RANBP2: variants seen among roughly 807,000 people sequenced by gnomAD.
RANBP2 encodes the protein E3 SUMO-protein ligase RanBP2.
A neutral mutation model predicts 303.6 loss-of-function variants in RANBP2; 57 were observed. That is an observed-to-expected ratio of 0.19 (90% CI 0.15 to 0.23). The LOEUF (loss-of-function observed/expected upper bound fraction) is 0.23, where lower values mean the gene tolerates loss of function less well. Ranked by LOEUF, RANBP2 falls within the 10% of genes least tolerant of loss-of-function variation. The probability of loss-of-function intolerance (pLI) is 1.00; values close to 1 mark genes in which losing one functional copy is unlikely to be tolerated. For missense variants in RANBP2, 3,138 were observed against 3,780.8 expected (o/e 0.83, Z 4.46); for synonymous variants, 1,167 against 1,301.5 (o/e 0.90, Z 2.23).
the RANBP2 span, among the ~76,000 whole-genome samples, chr2:109,313,181 G>A: frequency 6.6e-6 from 1 of 152,208 alleles, no homozygotes; most frequent in South Asian, 2.1e-4. Flanking sequence ...AGAACCAGGG[G>A]ACCTGGAAAG....
the RANBP2 span, among the ~76,000 whole-genome samples, chr2:109,429,761 CAT>C: frequency 8.1e-4 from 123 of 152,344 alleles, 3 homozygotes; most frequent in Admixed American, 4.4e-3. Context: ...AGCTGTGAAA[CAT>C]GTGCAAGAAG....
chr2:109,192,621 G>A, the RANBP2 span, among the ~76,000 whole-genome samples: 2 of 152,202 alleles, frequency 1.3e-5, no homozygotes, highest in Non-Finnish European at 1.5e-5. Flanking sequence ...AGAGAAGCTG[G>A]AAGTAAATAT....
the RANBP2 span, among the ~76,000 whole-genome samples, chr2:109,514,581 A>G: frequency 6.6e-6 from 1 of 152,172 alleles, no homozygotes; most frequent in Non-Finnish European, 1.5e-5. Flanking sequence ...GGCCGTCCCT[A>G]GAGTTGGGCT....
the RANBP2 span, among the ~76,000 whole-genome samples, chr2:109,362,013 G>T: frequency 6.6e-6 from 1 of 151,858 alleles, no homozygotes; most frequent in Non-Finnish European, 1.5e-5. Context: ...TCTTTTTAAA[G>T]ATTAATTTAT....
the RANBP2 span, among the ~76,000 whole-genome samples, chr2:109,213,768 C>G: frequency 6.6e-6 from 1 of 152,134 alleles, no homozygotes. Flanking sequence ...AGGAACGTGA[C>G]GTGGTCTCAC....
chr2:109,295,457 G>T, the RANBP2 span, among the ~76,000 whole-genome samples: 1 of 152,250 alleles, frequency 6.6e-6, no homozygotes, highest in South Asian at 2.1e-4. Flanking sequence ...GCAGGGCAGG[G>T]AGAGGACCCT....
chr2:109,653,146 G>A, the RANBP2 span, among the ~76,000 whole-genome samples: 1 of 151,940 alleles, frequency 6.6e-6, no homozygotes, highest in Non-Finnish European at 1.5e-5. Flanking sequence ...CTTGTAATCC[G>A]AGGACTTCGG....
intron 20 of RANBP2, among the ~76,000 whole-genome samples, chr2:108,771,310 A>AT (rs1420335213): frequency 6.6e-6 from 1 of 151,824 alleles, no homozygotes; most frequent in African/African-American, 2.4e-5. Flanking sequence ...ATGTTTTAAG[A>AT]TTTTTTTCAA....
the RANBP2 span, among the ~76,000 whole-genome samples, chr2:109,159,136 G>A: frequency 3.6e-5 from 4 of 112,616 alleles, no homozygotes; most frequent in Non-Finnish European, 6.7e-5. Flanking sequence ...AAACAAAAAG[G>A]TGCCCTTACA....
At chr2:108,897,130 C>G in the RANBP2 span, 1 of 1,613,980 alleles carries the variant, frequency 6.2e-7, no homozygotes, top group Non-Finnish European at 8.5e-7. Context: ...GGCGAGGTGG[C>G]GCCACGTTTT....
chr2:109,589,959 C>T, the RANBP2 span, among the ~76,000 whole-genome samples: 1 of 151,766 alleles, frequency 6.6e-6, no homozygotes, highest in African/African-American at 2.4e-5. Context: ...GATTTATTTA[C>T]TGAGGTCAGA....
the RANBP2 span, among the ~76,000 whole-genome samples, chr2:109,670,420 C>G: frequency 0.11 from 16,914 of 150,536 alleles, 1,219 homozygotes; most frequent in Admixed American, 0.2. Flanking sequence ...CACAGCAGCT[C>G]ATCGGGGAGT....
the RANBP2 span, among the ~76,000 whole-genome samples, chr2:109,518,658 AT>A: frequency 3.3e-5 from 5 of 151,968 alleles, no homozygotes; most frequent in Non-Finnish European, 4.4e-5. Context: ...CTTTGTTGTA[AT>A]TTTTTTTAAT....
chr2:108,947,623 C>T, the RANBP2 span, among the ~76,000 whole-genome samples: 3 of 152,230 alleles, frequency 2.0e-5, no homozygotes, highest in East Asian at 5.8e-4. Flanking sequence ...GTTGCCAAGG[C>T]TTGGGACTTG....
At chr2:109,047,956 C>T in the RANBP2 span, among the ~76,000 whole-genome samples, 7 of 152,332 alleles carry the variant, frequency 4.6e-5, no homozygotes, top group East Asian at 1.2e-3. Flanking sequence ...TGGCCTGTGG[C>T]CCCTCTGCCC....
chr2:109,140,852 A>G, the RANBP2 span, among the ~76,000 whole-genome samples: 1 of 152,188 alleles, frequency 6.6e-6, no homozygotes, highest in Non-Finnish European at 1.5e-5. Context: ...ATCAACACCT[A>G]CACAGTCTGG....
At chr2:109,054,164 G>A in the RANBP2 span, among the ~76,000 whole-genome samples, 8 of 152,278 alleles carry the variant, frequency 5.3e-5, no homozygotes, top group South Asian at 1.7e-3. Context: ...TGGGGCAAGA[G>A]GCAGGGTTGC....
At chr2:109,418,084 C>T in the RANBP2 span, among the ~76,000 whole-genome samples, 1 of 152,082 alleles carries the variant, frequency 6.6e-6, no homozygotes, top group African/African-American at 2.4e-5. Flanking sequence ...GCACCTTCCC[C>T]ATTCAGAGCC....
the RANBP2 span, chr2:109,490,921 T>C: frequency 6.7e-7 from 1 of 1,502,414 alleles, no homozygotes; most frequent in Non-Finnish European, 8.9e-7. Flanking sequence ...GAGCCCAAGC[T>C]GTTGCCCAGA....
Sources: gnomAD v4.1 joint callset for allele counts (sites outside exome capture counted in the v4.1 genomes callset) on GRCh38, gnomAD v4.1.1 for gene constraint, MANE v1.5 for transcripts, NCBI Gene and HGNC (gene_info 2026-07-23, HGNC 2026-07-21) for gene names.